The following DOP1B variants were observed in gnomAD, a reference collection of about 807,000 sequenced individuals.
DOP1B encodes the protein DOP1 leucine zipper like protein B, also known as protein DOP1B.
In DOP1B, 174 loss-of-function variants were observed where a neutral mutation model predicts 233.5. The observed-to-expected ratio is 0.75, with a 90% CI of 0.66 to 0.85. DOP1B has a LOEUF of 0.85. DOP1B is among the 40% of genes least tolerant of loss of function. The pLI, the probability that DOP1B is intolerant of heterozygous loss-of-function variation, is 0.00. For missense variants in DOP1B, 2,652 were observed against 2,846.6 expected (o/e 0.93, Z 1.56); for synonymous variants, 1,190 against 1,185.6 (o/e 1.00, Z -0.08).
chr21:36,260,852 TC>T, intron 24 of DOP1B, 120 bp downstream of exon 24: 1 of 1,533,436 alleles, frequency 6.5e-7, no homozygotes, highest in Non-Finnish European at 8.7e-7. Flanking sequence ...TCAGAAAATA[TC>T]TTAAAGTTGT....
chr21:36,227,334 T>G (rs553086759), intron 12 of DOP1B, among the ~76,000 whole-genome samples: 298 of 151,824 alleles, frequency 2.0e-3, no homozygotes, highest in African/African-American at 6.6e-3. Flanking sequence ...GATCACAAAG[T>G]CAGGAGATCG....
At chr21:36,242,150 G>GATTATTGTTATTAT (rs1555894292) in intron 18 of DOP1B, among the ~76,000 whole-genome samples, 20 of 104,466 alleles carry the variant, frequency 1.9e-4, no homozygotes, top group African/African-American at 7.8e-4. Context: ...AGTTCCTTGG[G>GATTATTGTTATTAT]CATTATTATT....
intron 23 of DOP1B, among the ~76,000 whole-genome samples, chr21:36,260,395 A>G (rs894034259): frequency 1.4e-4 from 21 of 152,116 alleles, no homozygotes; most frequent in African/African-American, 3.4e-4. Flanking sequence ...TACAGTGCCA[A>G]TTTTCCCGAA....
intron 17 of DOP1B, 72 bp from the exon 18 acceptor site, chr21:36,239,693 C>G (rs540086160): frequency 6.0e-5 from 87 of 1,457,300 alleles, no homozygotes; most frequent in Admixed American, 4.3e-4. Flanking sequence ...CGCCCTATGC[C>G]CAGTGTCTGC....
rs1366899687 is a variant in DOP1B, at chr21:36,208,660, G to A, written c.492-55G>A. 4 of 1,570,112 alleles carry A rather than the reference G, an allele frequency of 2.5e-6. No homozygotes were observed. The African/African-American group carries it at 4.1e-5, about 16-fold the overall frequency. The stretch of plus-strand genomic sequence containing the variant: ...TGCAGCATTCGCAGAGCAGTGTGCA[G>A]TGGGACTCGGGAAGATGGGGCGAGC... On this transcript the variant is annotated intron_variant, in intron 4 of 36. Transcript: ENST00000691173.
chr21:36,216,504 G>C (rs903677709), intron 9 of DOP1B, among the ~76,000 whole-genome samples: 19 of 152,152 alleles, frequency 1.2e-4, no homozygotes, highest in African/African-American at 4.6e-4. Context: ...GCAGCTACTT[G>C]GGAGTCTGAG....
intron 24 of DOP1B, among the ~76,000 whole-genome samples, chr21:36,263,233 T>G (rs1392369059): frequency 1.3e-5 from 1 of 74,810 alleles, no homozygotes; most frequent in Admixed American, 1.6e-4. Context: ...AATCTCCGTC[T>G]CACCAAAAAA....
chr21:36,242,600 A>T (rs112181081), intron 18 of DOP1B, among the ~76,000 whole-genome samples: 2 of 152,200 alleles, frequency 1.3e-5, no homozygotes, highest in African/African-American at 4.8e-5. Flanking sequence ...GGCATGAGCT[A>T]CTACGCCTGG....
At chr21:36,224,138 C>T (rs2066656071) in intron 11 of DOP1B, among the ~76,000 whole-genome samples, 1 of 152,048 alleles carries the variant, frequency 6.6e-6, no homozygotes, top group South Asian at 2.1e-4. Flanking sequence ...ATGCTTTGGT[C>T]AGCCTGGTTG....
chr21:36,242,749 A>C (rs1173975881), intron 18 of DOP1B, among the ~76,000 whole-genome samples: 1 of 152,198 alleles, frequency 6.6e-6, no homozygotes, highest in African/African-American at 2.4e-5. Flanking sequence ...TCTCTGAAAA[A>C]AATGATAAGT....
At chr21:36,271,494 ACT>A (rs2123660870) in intron 27 of DOP1B, among the ~76,000 whole-genome samples, 1 of 151,630 alleles carries the variant, frequency 6.6e-6, no homozygotes, top group South Asian at 2.1e-4. Context: ...CTGGTCTCAA[ACT>A]CTTGACCTCA....
chr21:36,196,143 A>G (rs2066287703), intron 2 of DOP1B, among the ~76,000 whole-genome samples: 1 of 152,256 alleles, frequency 6.6e-6, no homozygotes, highest in Non-Finnish European at 1.5e-5. Flanking sequence ...TTTTTGTCCC[A>G]AATAGCAGAA....
At chr21:36,284,591 C>T (rs2067461564) in intron 32 of DOP1B, among the ~76,000 whole-genome samples, 1 of 151,942 alleles carries the variant, frequency 6.6e-6, no homozygotes, top group Non-Finnish European at 1.5e-5. Context: ...TCTACCCCAT[C>T]TCACACTCCT....
chr21:36,159,165 AAAG>A (rs1464004452), intron 1 of DOP1B, among the ~76,000 whole-genome samples: 2 of 142,920 alleles, frequency 1.4e-5, no homozygotes, highest in Non-Finnish European at 3.1e-5. Flanking sequence ...ACAAAACAAA[AAAG>A]AGACTGGGCG....
chr21:36,244,848 T>TG (rs1235838773), intron 18 of DOP1B, among the ~76,000 whole-genome samples, 200 bp from the exon 19 acceptor site: 1 of 152,242 alleles, frequency 6.6e-6, no homozygotes, highest in Non-Finnish European at 1.5e-5. Flanking sequence ...ATCCCATCCT[T>TG]GAACATTCTG....
In DOP1B at chr21:36,253,919, C is replaced by G; in HGVS notation, c.5259+10C>G. On this transcript the variant is annotated intron_variant, in intron 23 of 36. Coordinates refer to ENST00000691173, the MANE Select transcript of DOP1B (RefSeq NM_001320714.2). ...CAAAGGGGGTGATGAGGTGAGGAGC[C>G]TGGGGAAGCCTCTGGGCTTCTGCAG... 6.2e-7 allele frequency: 1 copy of G among 1,611,974 alleles called. No homozygotes were observed. The highest frequency in any genetic ancestry group is 1.1e-5 in the South Asian group (1 of 90,930).
chr21:36,254,407 GA>G (rs1008582389), intron 23 of DOP1B, among the ~76,000 whole-genome samples: 1 of 152,114 alleles, frequency 6.6e-6, no homozygotes, highest in African/African-American at 2.4e-5. Context: ...GAGGGAGGGG[GA>G]AGGAGCAGGA....
chr21:36,175,425 T>C (rs2066012205), intron 2 of DOP1B, among the ~76,000 whole-genome samples: 1 of 152,072 alleles, frequency 6.6e-6, no homozygotes, highest in African/African-American at 2.4e-5. Flanking sequence ...TTTCCTCTTC[T>C]TACAAGGACA....
At chr21:36,189,438 A>C (rs972790757) in intron 2 of DOP1B, among the ~76,000 whole-genome samples, 1 of 152,324 alleles carries the variant, frequency 6.6e-6, no homozygotes, top group South Asian at 2.1e-4. Flanking sequence ...TAGCACTTTA[A>C]AAAGTGATTT....
Sources: gnomAD v4.1 joint callset for allele counts (sites outside exome capture counted in the v4.1 genomes callset) on GRCh38, gnomAD v4.1.1 for gene constraint, MANE v1.5 for transcripts, NCBI Gene and HGNC (gene_info 2026-07-23, HGNC 2026-07-21) for gene names.